RAB33A: variants seen among roughly 807,000 people sequenced by gnomAD.
RAB33A encodes RAB33A, member RAS oncogene family.
In RAB33A, 6 loss-of-function variants were observed where a neutral mutation model predicts 12.0. The observed-to-expected ratio is 0.50, with a 90% CI of 0.27 to 0.99. The LOEUF is 0.99. RAB33A is among the 50% of genes least tolerant of loss of function. The pLI is 0.11. For synonymous variants in RAB33A, 70 were observed against 82.4 expected (o/e 0.85, Z 0.81); for missense variants, 109 against 192.0 (o/e 0.57, Z 2.55).
rs939308978 is a variant in RAB33A, at chrX:130,172,062, G to T, written c.-1G>T. On this transcript the variant is annotated 5_prime_UTR_variant, in exon 1 of 2. Transcript: ENST00000257017. The stretch of plus-strand genomic sequence containing the variant: ...TGGGGCCCCGGTTCGGTCCGGGGGA[G>T]ATGGCGCAGCCCATCCTGGGCCATG... The T allele has an allele frequency of 1.7e-6, 2 of 1,206,355 alleles. No homozygotes were observed. Among genetic ancestry groups the T allele is most frequent in the Non-Finnish European group, 2.2e-6 (2 of 893,043 alleles).
At chrX:130,176,685 G>A (rs1004048609) in intron 1 of RAB33A, among the ~76,000 whole-genome samples, 4 of 111,999 alleles carry the variant, frequency 3.6e-5, no homozygotes, top group African/African-American at 1.3e-4. Flanking sequence ...AAGTTTCTCT[G>A]TCTCCCTTGC....
chrX:130,145,615 T>C, the RAB33A span: 3 of 998,253 alleles, frequency 3.0e-6, no homozygotes, highest in Non-Finnish European at 4.3e-6. Flanking sequence ...GTGGAACTGT[T>C]ATCAGCTTCC....
At chrX:130,121,977 T>G in the RAB33A span, among the ~76,000 whole-genome samples, 2 of 111,687 alleles carry the variant, frequency 1.8e-5, no homozygotes, top group African/African-American at 6.5e-5. Context: ...AAGGGACAAG[T>G]GTGGAGTGTT....
the RAB33A span, among the ~76,000 whole-genome samples, chrX:130,116,591 C>T: frequency 8.9e-6 from 1 of 112,553 alleles, no homozygotes; most frequent in African/African-American, 3.2e-5. Context: ...CGCGCCTGGC[C>T]ACCCCAGGTT....
the RAB33A span, among the ~76,000 whole-genome samples, chrX:130,157,177 G>A: frequency 4.7e-3 from 521 of 111,772 alleles, 3 homozygotes; most frequent in African/African-American, 0.016. Flanking sequence ...AAAAATTTTG[G>A]ACTATGAAAT....
chrX:130,160,202 CA>C, the RAB33A span, among the ~76,000 whole-genome samples: 1 of 111,874 alleles, frequency 8.9e-6, no homozygotes, highest in African/African-American at 3.3e-5. Flanking sequence ...TGTTTGCTTA[CA>C]TTCCCCCTCC....
At chrX:130,117,679 A>T in the RAB33A span, among the ~76,000 whole-genome samples, 3 of 112,828 alleles carry the variant, frequency 2.7e-5, no homozygotes, top group Non-Finnish European at 5.6e-5. Flanking sequence ...CCTACCTTGG[A>T]GCCAAAGCTC....
chrX:130,167,815 G>C (rs1288367912), upstream of RAB33A, among the ~76,000 whole-genome samples: 1 of 110,824 alleles, frequency 9.0e-6, no homozygotes, highest in Non-Finnish European at 1.9e-5. Flanking sequence ...GAACTGGCAA[G>C]AGTTGGGCCC....
At chrX:130,123,528 TAAG>T in the RAB33A span, among the ~76,000 whole-genome samples, 1 of 108,596 alleles carries the variant, frequency 9.2e-6, no homozygotes, top group Non-Finnish European at 1.9e-5. Flanking sequence ...CCATCTCTAT[TAAG>T]AATACAAAAA....
intron 1 of RAB33A, among the ~76,000 whole-genome samples, chrX:130,178,388 G>A (rs1260040722): frequency 9.2e-6 from 1 of 109,076 alleles, no homozygotes; most frequent in Non-Finnish European, 1.9e-5. Context: ...CAGCACTTTG[G>A]GAGGCCCAGG....
chrX:130,161,317 C>T, the RAB33A span, among the ~76,000 whole-genome samples: 14 of 109,674 alleles, frequency 1.3e-4, no homozygotes, highest in African/African-American at 4.3e-4. Flanking sequence ...TCGAGACCAG[C>T]CTGGCCAATA....
the RAB33A span, among the ~76,000 whole-genome samples, chrX:130,120,007 A>G: frequency 4.3e-3 from 484 of 111,736 alleles, 1 homozygote; most frequent in African/African-American, 0.015. Context: ...TTTTCCCCAC[A>G]GGTTCTGGCC....
chrX:130,148,291 T>C, the RAB33A span, among the ~76,000 whole-genome samples: 5 of 111,287 alleles, frequency 4.5e-5, no homozygotes, highest in South Asian at 7.6e-4. Flanking sequence ...AGGAGGTCAA[T>C]TGGGGATTAT....
chrX:130,131,244 G>A, the RAB33A span, among the ~76,000 whole-genome samples: 1 of 111,968 alleles, frequency 8.9e-6, no homozygotes, highest in South Asian at 3.7e-4. Context: ...GACCCATGGA[G>A]GATAGCCAGT....
chrX:130,121,305 C>T, the RAB33A span, among the ~76,000 whole-genome samples: 1 of 98,734 alleles, frequency 1.0e-5, no homozygotes, highest in Non-Finnish European at 2.0e-5. Flanking sequence ...GCTGCAGTGG[C>T]GCGATCTTGG....
the RAB33A span, chrX:130,138,451 C>G: frequency 2.0e-6 from 1 of 488,798 alleles, no homozygotes; most frequent in Non-Finnish European, 3.5e-6. Context: ...GGTGACAGAG[C>G]GAGACTCCAT....
the RAB33A span, among the ~76,000 whole-genome samples, chrX:130,157,084 G>A: frequency 1.3e-3 from 144 of 111,790 alleles, 1 homozygote; most frequent in African/African-American, 4.3e-3. Context: ...GAAAGGTAAT[G>A]TGTCCTGGAA....
the RAB33A span, chrX:130,131,907 C>T: frequency 4.5e-5 from 46 of 1,012,764 alleles, no homozygotes; most frequent in East Asian, 1.2e-3. Flanking sequence ...GAGTTTCACT[C>T]GTTGCCCAGG....
rs757144535 is a variant in RAB33A, at chrX:130,172,066, G to A, written c.4G>A (p.Ala2Thr). Residue 2 changes from alanine (A) to threonine (T), a missense_variant, in exon 1 of 2, where the codon GCG (alanine) becomes ACG (threonine). By Grantham distance (58) the Ala-to-Thr change is moderately conservative. Coordinates refer to ENST00000257017, the MANE Select transcript of RAB33A (RefSeq NM_004794.3). M[A>T]QPILGHGSLQ... is the part of the protein sequence containing the mutation. ...GCCCCGGTTCGGTCCGGGGGAGATG[G>A]CGCAGCCCATCCTGGGCCATGGGAG... 1.7e-6 allele frequency: 2 copies of A among 1,206,972 alleles called. No homozygotes were observed. Among genetic ancestry groups the A allele is most frequent in the Non-Finnish European group, 1.1e-6 (1 of 893,324 alleles).
Sources: allele counts gnomAD v4.1 joint callset (sites outside exome capture counted in the v4.1 genomes callset), GRCh38; gene constraint gnomAD v4.1.1; transcripts MANE v1.5; gene names NCBI Gene and HGNC (gene_info 2026-07-23, HGNC 2026-07-21).